Variants in MITF observed in about 807,000 individuals in gnomAD.
MITF encodes melanocyte inducing transcription factor.
In MITF, 17 loss-of-function variants were observed where a neutral mutation model predicts 60.5. The observed-to-expected ratio is 0.28, with a 90% confidence interval of 0.19 to 0.42. MITF has a LOEUF of 0.42. MITF is among the 10% of genes least tolerant of loss of function. MITF has a pLI of 1.00. For missense variants in MITF, 622 were observed against 683.5 expected, an observed-to-expected ratio of 0.91 and a Z score of 1.00; for synonymous variants, 260 against 248.5, an observed-to-expected ratio of 1.05 and a Z score of -0.43.
intron 1 of MITF, among the ~76,000 whole-genome samples, chr3:69,859,936 C>T (rs184639200): frequency 2.6e-5 from 4 of 152,180 alleles, no homozygotes; most frequent in African/African-American, 4.8e-5. Context: ...CTTTGTCCCC[C>T]ACACTGATGA....
intron 2 of MITF, among the ~76,000 whole-genome samples, chr3:69,892,491 T>C (rs1414383687): frequency 1.3e-5 from 2 of 152,152 alleles, no homozygotes; most frequent in Non-Finnish European, 2.9e-5. Flanking sequence ...TTTTGTGCAT[T>C]CCATGAATTT....
chr3:69,902,144 T>G (rs2065007195), intron 2 of MITF, among the ~76,000 whole-genome samples: 4 of 152,206 alleles, frequency 2.6e-5, no homozygotes, highest in Admixed American at 2.6e-4. Context: ...GACTTGAGAC[T>G]TTTTATATGT....
At chr3:69,900,472 T>C (rs1364467792) in intron 2 of MITF, among the ~76,000 whole-genome samples, 2 of 152,166 alleles carry the variant, frequency 1.3e-5, no homozygotes, top group Non-Finnish European at 2.9e-5. Context: ...TGGCCCTGTT[T>C]AACCAAACAC....
chr3:69,909,089 C>T (rs1275081210), intron 2 of MITF, among the ~76,000 whole-genome samples: 2 of 151,952 alleles, frequency 1.3e-5, no homozygotes, highest in African/African-American at 2.4e-5. Flanking sequence ...ATTGTGTCTC[C>T]CAGAATTCCC....
intron 1 of MITF, among the ~76,000 whole-genome samples, chr3:69,770,663 T>C (rs1218543117): frequency 6.6e-6 from 1 of 152,154 alleles, no homozygotes; most frequent in African/African-American, 2.4e-5. Context: ...TTAAAGTGTT[T>C]TGAGTTCCTG....
intron 1 of MITF, among the ~76,000 whole-genome samples, chr3:69,802,877 G>C (rs573815649): frequency 6.2e-4 from 93 of 150,612 alleles, no homozygotes; most frequent in African/African-American, 2.2e-3. Flanking sequence ...TTTTAGTAGA[G>C]ACGGAGTTTC....
intron 1 of MITF, among the ~76,000 whole-genome samples, chr3:69,872,624 T>C (rs1170254385): frequency 6.6e-6 from 1 of 152,198 alleles, no homozygotes; most frequent in African/African-American, 2.4e-5. Flanking sequence ...TGGAGAATAC[T>C]GATATATTGG....
At chr3:69,791,584 A>G (rs985339034) in intron 1 of MITF, among the ~76,000 whole-genome samples, 1 of 152,262 alleles carries the variant, frequency 6.6e-6, no homozygotes. Flanking sequence ...CAAGTTAAGA[A>G]GAATGGCTAC....
intron 1 of MITF, among the ~76,000 whole-genome samples, chr3:69,834,641 G>T (rs1017261167): frequency 6.6e-6 from 1 of 152,108 alleles, no homozygotes; most frequent in Non-Finnish European, 1.5e-5. Flanking sequence ...ACATGGGAGT[G>T]CAGATATCTC....
At chr3:69,829,113 G>T (rs191485597) in intron 1 of MITF, among the ~76,000 whole-genome samples, 2 of 152,286 alleles carry the variant, frequency 1.3e-5, no homozygotes, top group African/African-American at 2.4e-5. Flanking sequence ...CTTTAGGTCT[G>T]TTGGACCTAA....
At chr3:69,840,906 C>T (rs2063625255) in intron 1 of MITF, among the ~76,000 whole-genome samples, 1 of 152,052 alleles carries the variant, frequency 6.6e-6, no homozygotes, top group Admixed American at 6.6e-5. Context: ...CAGGTACATG[C>T]CACCATGCCC....
intron 1 of MITF, among the ~76,000 whole-genome samples, chr3:69,864,589 A>G (rs1311379534): frequency 1.3e-5 from 2 of 152,178 alleles, no homozygotes; most frequent in South Asian, 2.1e-4. Context: ...CATAGCAACC[A>G]GAGAGACCTT....
chr3:69,823,862 T>C (rs1012025129), intron 1 of MITF, among the ~76,000 whole-genome samples: 1 of 152,206 alleles, frequency 6.6e-6, no homozygotes, highest in Non-Finnish European at 1.5e-5. Flanking sequence ...ATGATTTCTT[T>C]TGTGGTTCAA....
In MITF at chr3:69,786,278, G is replaced by T. The variant is rs1376634798; in HGVS notation, c.104+46577G>T. On this transcript the variant is annotated intron_variant, in intron 1 of 9. Transcript: ENST00000352241. The stretch of plus-strand genomic sequence containing the variant: ...GTTTTTCTCATTCTGCAACTGCCTG[G>T]TGCCTGGTGACCTTTGTCAGTGGCT... 5.3e-5 allele frequency among the ~76,000 whole-genome samples: 8 copies of T among 152,296 alleles called. No individual in the cohort carries two copies. In the East Asian group the frequency reaches 1.5e-3, roughly 29 times the overall value.
chr3:69,774,624 T>C (rs2062445809), intron 1 of MITF, among the ~76,000 whole-genome samples: 1 of 152,146 alleles, frequency 6.6e-6, no homozygotes, highest in Non-Finnish European at 1.5e-5. Flanking sequence ...GTATTCTAAG[T>C]TTCCAGGTCA....
chr3:69,763,443 C>G, intron 1 of MITF: 236 of 842,340 alleles, frequency 2.8e-4, no homozygotes, highest in South Asian at 3.3e-4. Flanking sequence ...CCATCTAGCA[C>G]CTCCCTCCTT....
At chr3:69,755,433 GTTTTTTTTTTTTTTTTTTT>G (rs542141862) in intron 1 of MITF, among the ~76,000 whole-genome samples, 8 of 35,426 alleles carry the variant, frequency 2.3e-4, no homozygotes, top group South Asian at 1.3e-3. Context: ...ACCCTTCTGG[GTTTTTTTTTTTTTTTTTTT>G]TTTTTTTTTT....
Position 69,832,939 on chromosome 3 carries a change from C to G in MITF, c.105-46195C>G, listed in dbSNP as rs560275246. 4.2e-4 allele frequency among the ~76,000 whole-genome samples: 64 copies of G among 151,534 alleles called. 1 individual carries two copies. The South Asian group carries it at 0.013, about 32-fold the overall frequency. On this transcript the variant is annotated intron_variant, in intron 1 of 9. Coordinates refer to ENST00000352241, the MANE Select transcript of MITF (RefSeq NM_001354604.2). ...GTATGTGGTTATATACCTGGTTAGA[C>G]TGTATGTAGTTGTTTCTCTGTTTGC...
At chr3:69,751,105 C>T (rs1034688977) in intron 1 of MITF, among the ~76,000 whole-genome samples, 8 of 152,150 alleles carry the variant, frequency 5.3e-5, no homozygotes, top group African/African-American at 1.9e-4. Context: ...AAGTGTGAAA[C>T]TTGAAGCATA....
Sources: gnomAD v4.1 joint callset for allele counts (sites outside exome capture counted in the v4.1 genomes callset) on GRCh38, gnomAD v4.1.1 for gene constraint, MANE v1.5 for transcripts, NCBI Gene and HGNC (gene_info 2026-07-23, HGNC 2026-07-21) for gene names.